PTPRD: variants seen among roughly 807,000 people sequenced by gnomAD.
PTPRD encodes protein tyrosine phosphatase receptor type D.
A neutral mutation model predicts 214.5 loss-of-function variants in PTPRD; 34 were observed. The observed-to-expected ratio is 0.16, with a 90% CI of 0.12 to 0.21. The LOEUF (loss-of-function observed/expected upper bound fraction) is 0.21. Ranked by LOEUF, PTPRD falls within the 10% of genes least tolerant of loss-of-function variation. The probability of loss-of-function intolerance (pLI) is 1.00; values close to 1 mark genes in which losing one functional copy is unlikely to be tolerated. For synonymous variants in PTPRD, 1,128 were observed against 845.7 expected (o/e 1.33, Z -5.79); for missense variants, 2,545 against 2,398.7 (o/e 1.06, Z -1.27).
intron 9 of PTPRD, among the ~76,000 whole-genome samples, chr9:9,310,926 T>C (rs1486463754): frequency 1.4e-5 from 2 of 144,410 alleles, no homozygotes; most frequent in African/African-American, 5.5e-5. Context: ...CTCAGATAAA[T>C]AAATAAATAA....
rs1433550605 is a variant in PTPRD at position 8,485,531 on chromosome 9, T to A, written c.3056-207A>T. The A allele has an allele frequency of 6.4e-6, 4 of 622,994 alleles. No homozygotes were observed. The East Asian group carries it at 1.1e-4, about 17-fold the overall frequency. The allele number at this position is 622,994 out of a possible 1,614,324, so 38.6% of individuals were successfully genotyped here. ...TTCTCTCCAATTCAGCCAACTCTAT[T>A]GTGTTTTCCTTACCTGAGGACATTG... On this transcript the variant is annotated intron_variant, in intron 28 of 45. Transcript: ENST00000381196.
At chr9:10,373,691 C>T (rs1044500919) in intron 2 of PTPRD, among the ~76,000 whole-genome samples, 4 of 152,188 alleles carry the variant, frequency 2.6e-5, no homozygotes, top group African/African-American at 9.6e-5. Context: ...CACTCTTTCT[C>T]TTTCCAATAT....
chr9:9,868,534 T>A (rs1003155295), intron 5 of PTPRD, among the ~76,000 whole-genome samples: 1 of 151,746 alleles, frequency 6.6e-6, no homozygotes, highest in African/African-American at 2.4e-5. Context: ...GAAATATAGC[T>A]TGAGAATAAA....
intron 3 of PTPRD, among the ~76,000 whole-genome samples, chr9:10,047,266 T>C (rs556132669): frequency 4.0e-5 from 6 of 149,532 alleles, no homozygotes; most frequent in African/African-American, 1.5e-4. Flanking sequence ...CTAATCTATC[T>C]ATATTTTAGT....
intron 9 of PTPRD, among the ~76,000 whole-genome samples, chr9:9,271,038 A>C (rs1942688107): frequency 6.6e-6 from 1 of 151,322 alleles, no homozygotes; most frequent in African/African-American, 2.4e-5. Context: ...TGTTAAGTTT[A>C]AAGTGCTTAT....
At chr9:8,645,186 T>A (rs2096661297) in intron 12 of PTPRD, among the ~76,000 whole-genome samples, 1 of 152,254 alleles carries the variant, frequency 6.6e-6, no homozygotes, top group African/African-American at 2.4e-5. Flanking sequence ...ACTAGCTAAG[T>A]GAGAAACTTC....
intron 21 of PTPRD, among the ~76,000 whole-genome samples, chr9:8,510,051 A>C (rs894651277): frequency 2.6e-5 from 4 of 152,116 alleles, no homozygotes; most frequent in African/African-American, 9.7e-5. Flanking sequence ...TGGGAGGCCA[A>C]GTTGGGAGGA....
intron 10 of PTPRD, among the ~76,000 whole-genome samples, chr9:9,033,177 A>G (rs1410461120): frequency 1.3e-5 from 2 of 152,166 alleles, no homozygotes; most frequent in African/African-American, 2.4e-5. Flanking sequence ...GACATGACAC[A>G]TAATTTGGCA....
intron 2 of PTPRD, among the ~76,000 whole-genome samples, chr9:10,586,562 C>T (rs935223156): frequency 1.3e-5 from 2 of 152,022 alleles, no homozygotes; most frequent in African/African-American, 4.8e-5. Context: ...AAATAAATGA[C>T]AACGATAGTA....
At chr9:9,105,074 G>T (rs1186707660) in intron 10 of PTPRD, among the ~76,000 whole-genome samples, 2 of 152,130 alleles carry the variant, frequency 1.3e-5, no homozygotes, top group Non-Finnish European at 2.9e-5. Flanking sequence ...ATTTATTTAT[G>T]CAACATTGTA....
At chr9:10,285,381 T>C (rs1190935314) in intron 3 of PTPRD, among the ~76,000 whole-genome samples, 1 of 152,156 alleles carries the variant, frequency 6.6e-6, no homozygotes, top group Non-Finnish European at 1.5e-5. Flanking sequence ...GTTCAGAACA[T>C]CAAAATGTTG....
chr9:8,344,155 T>C (rs934915999), intron 39 of PTPRD, among the ~76,000 whole-genome samples: 6 of 152,080 alleles, frequency 3.9e-5, no homozygotes, highest in African/African-American at 1.4e-4. Flanking sequence ...CATCTTTCGT[T>C]CTTTCTGTGT....
At chr9:10,431,588 A>G (rs938628037) in intron 2 of PTPRD, among the ~76,000 whole-genome samples, 1 of 151,880 alleles carries the variant, frequency 6.6e-6, no homozygotes, top group Non-Finnish European at 1.5e-5. Context: ...CAAATTTACA[A>G]GAAAAAAACA....
At position 9,180,104 on chromosome 9, in the gene PTPRD, C is replaced by T. The variant is rs533318629; in HGVS notation, c.-143+3200G>A. ...CAGCCATCCCATTACTGGATATATACCCAAAGGATTAAAAATCATGCTGCT... is the reference window on the plus strand; with the variant it reads ...CAGCCATCCCATTACTGGATATATATCCAAAGGATTAAAAATCATGCTGCT... On this transcript the variant is annotated intron_variant, in intron 10 of 45. Coordinates refer to ENST00000381196, the MANE Select transcript of PTPRD (RefSeq NM_002839.4). 2.0e-5 allele frequency among the ~76,000 whole-genome samples: 3 copies of T among 151,856 alleles called. No homozygotes were observed. The South Asian group carries it at 6.2e-4, about 32-fold the overall frequency.
chr9:8,757,123 C>G (rs12341036), intron 11 of PTPRD, among the ~76,000 whole-genome samples: 1 of 152,122 alleles, frequency 6.6e-6, no homozygotes, highest in Non-Finnish European at 1.5e-5. Context: ...GCGTGGGCAA[C>G]AGAGTGAGAC....
At chr9:10,303,555 A>G (rs557200375) in intron 3 of PTPRD, among the ~76,000 whole-genome samples, 1 of 152,312 alleles carries the variant, frequency 6.6e-6, no homozygotes, top group East Asian at 1.9e-4. Context: ...GATCAAATAG[A>G]TGCAATAAAA....
chr9:8,923,664 A>G (rs1411032581), intron 11 of PTPRD, among the ~76,000 whole-genome samples: 1 of 152,240 alleles, frequency 6.6e-6, no homozygotes, highest in Non-Finnish European at 1.5e-5. Context: ...AAGTTTAACA[A>G]TCTTAAATCT....
chr9:9,542,840 C>G (rs62534662), intron 8 of PTPRD, among the ~76,000 whole-genome samples: 9 of 151,662 alleles, frequency 5.9e-5, no homozygotes, highest in Non-Finnish European at 1.3e-4. Flanking sequence ...AACTGGAACT[C>G]TTACAAAATT....
chr9:9,631,014 T>G (rs2095572761), intron 7 of PTPRD, among the ~76,000 whole-genome samples: 1 of 151,986 alleles, frequency 6.6e-6, no homozygotes. Flanking sequence ...AAAGGGGCAG[T>G]CAACTATAAA....
Sources: gnomAD v4.1 joint callset for allele counts (sites outside exome capture counted in the v4.1 genomes callset) on GRCh38, gnomAD v4.1.1 for gene constraint, MANE v1.5 for transcripts, NCBI Gene and HGNC (gene_info 2026-07-23, HGNC 2026-07-21) for gene names.